The following CLCN3 variants were observed in gnomAD, a reference collection of about 807,000 sequenced individuals.
CLCN3 encodes the protein H(+)/Cl(-) exchange transporter 3.
A neutral mutation model predicts 83.4 loss-of-function variants in CLCN3; 16 were observed. The observed-to-expected ratio is 0.19, with a 90% CI of 0.13 to 0.29. CLCN3 has a LOEUF of 0.29. Among genes scored for constraint, CLCN3 ranks in the 10% least tolerant of loss-of-function variants. CLCN3 has a pLI of 1.00. For missense variants in CLCN3, 544 were observed against 1,006.0 expected (o/e 0.54, Z 6.21); for synonymous variants, 322 against 346.2 (o/e 0.93, Z 0.78).
At chr4:169,681,751 A>G (rs1006744431) in intron 3 of CLCN3, among the ~76,000 whole-genome samples, 1 of 152,244 alleles carries the variant, frequency 6.6e-6, no homozygotes, top group South Asian at 2.1e-4. Flanking sequence ...AAAACCCATT[A>G]CATGTTGACA....
intron 3 of CLCN3, among the ~76,000 whole-genome samples, 157 bp from the exon 4 acceptor site, chr4:169,687,501 T>A (rs1732207741): frequency 6.6e-6 from 1 of 152,210 alleles, no homozygotes; most frequent in African/African-American, 2.4e-5. Flanking sequence ...TTAACAACTG[T>A]CTGTAATGTA....
chr4:169,658,916 A>G (rs1730963655), intron 2 of CLCN3, among the ~76,000 whole-genome samples: 1 of 152,098 alleles, frequency 6.6e-6, no homozygotes, highest in Non-Finnish European at 1.5e-5. Flanking sequence ...TAACCTATAC[A>G]GTTTTTTAAA....
chr4:169,653,465 C>A (rs991212732), intron 2 of CLCN3, among the ~76,000 whole-genome samples: 2 of 151,782 alleles, frequency 1.3e-5, no homozygotes, highest in Non-Finnish European at 2.9e-5. Context: ...TATGATAAAA[C>A]CCTGTCTCTA....
chr4:169,687,041 C>G (rs1732188552), intron 3 of CLCN3, among the ~76,000 whole-genome samples: 1 of 152,140 alleles, frequency 6.6e-6, no homozygotes, highest in Non-Finnish European at 1.5e-5. Context: ...TTCTGTAATA[C>G]ATTGTATTTA....
chr4:169,629,835 A>G (rs1434670916), intron 1 of CLCN3, among the ~76,000 whole-genome samples: 6 of 152,234 alleles, frequency 3.9e-5, no homozygotes, highest in Admixed American at 3.9e-4. Flanking sequence ...ATAAGAACTA[A>G]TAATGAGAAA....
chr4:169,644,313 C>T (rs1309580747), intron 2 of CLCN3, among the ~76,000 whole-genome samples: 1 of 150,262 alleles, frequency 6.7e-6, no homozygotes, highest in Non-Finnish European at 1.5e-5. Context: ...TTGCCCAGGC[C>T]GGAGCACGAT....
chr4:169,635,164 T>G (rs1034905740), intron 1 of CLCN3, among the ~76,000 whole-genome samples: 13 of 152,176 alleles, frequency 8.5e-5, no homozygotes, highest in African/African-American at 3.1e-4. Context: ...TTTACAAGGC[T>G]TACTGGTTTG....
intron 7 of CLCN3, among the ~76,000 whole-genome samples, chr4:169,695,262 T>C (rs1460374197): frequency 1.3e-5 from 2 of 152,190 alleles, no homozygotes; most frequent in Admixed American, 6.5e-5. Context: ...TATTTAAAAA[T>C]AGCTCCCCAT....
intron 2 of CLCN3, among the ~76,000 whole-genome samples, chr4:169,659,427 A>G (rs1730977764): frequency 6.6e-6 from 1 of 152,186 alleles, no homozygotes; most frequent in Admixed American, 6.5e-5. Context: ...ATTTTTGCTA[A>G]AAGTTAAAAA....
chr4:169,703,190 G>A (rs545428603), intron 9 of CLCN3, among the ~76,000 whole-genome samples: 9 of 152,314 alleles, frequency 5.9e-5, no homozygotes, highest in African/African-American at 1.9e-4. Flanking sequence ...ATGATACAGA[G>A]ACACAAAGTG....
At chr4:169,666,886 TATATG>T (rs1731263139) in intron 2 of CLCN3, among the ~76,000 whole-genome samples, 1 of 152,210 alleles carries the variant, frequency 6.6e-6, no homozygotes, top group African/African-American at 2.4e-5. Flanking sequence ...TATGAACTAA[TATATG>T]TAATGTCCTG....
At chr4:169,715,909 T>C (rs1371358563) in intron 12 of CLCN3, among the ~76,000 whole-genome samples, 1 of 152,176 alleles carries the variant, frequency 6.6e-6, no homozygotes, top group Middle Eastern at 3.2e-3. Flanking sequence ...TCAGAACTTA[T>C]AATATGTTGA....
At chr4:169,664,073 A>G (rs958020007) in intron 2 of CLCN3, among the ~76,000 whole-genome samples, 7 of 152,244 alleles carry the variant, frequency 4.6e-5, no homozygotes, top group African/African-American at 1.7e-4. Flanking sequence ...AGTAAATGCG[A>G]TAACAGGAGG....
chr4:169,673,989 C>T (rs578050078), intron 2 of CLCN3, among the ~76,000 whole-genome samples: 93 of 152,276 alleles, frequency 6.1e-4, no homozygotes, highest in African/African-American at 1.9e-3. Flanking sequence ...GTATAGCTAC[C>T]GTACACTTCT....
chr4:169,701,540 A>G (rs190181768), intron 9 of CLCN3, among the ~76,000 whole-genome samples: 193 of 152,274 alleles, frequency 1.3e-3, no homozygotes, highest in African/African-American at 4.2e-3. Context: ...GCCCGGATCA[A>G]TCAGAGAAGT....
At chr4:169,684,072 A>G (rs934230402) in intron 3 of CLCN3, among the ~76,000 whole-genome samples, 1 of 152,194 alleles carries the variant, frequency 6.6e-6, no homozygotes, top group Non-Finnish European at 1.5e-5. Context: ...TTTCTATGTC[A>G]GTGCATATAC....
intron 2 of CLCN3, among the ~76,000 whole-genome samples, chr4:169,650,351 A>G (rs895934443): frequency 4.6e-5 from 7 of 152,190 alleles, no homozygotes; most frequent in African/African-American, 1.7e-4. Flanking sequence ...TAGTTAGAAG[A>G]ATTTGGCTTT....
At chr4:169,668,888 T>C (rs1311246427) in intron 2 of CLCN3, among the ~76,000 whole-genome samples, 1 of 152,236 alleles carries the variant, frequency 6.6e-6, no homozygotes, top group Non-Finnish European at 1.5e-5. Flanking sequence ...TGATTAACAC[T>C]GTGCTCAAGA....
intron 1 of CLCN3, among the ~76,000 whole-genome samples, chr4:169,628,788 T>C (rs887455060): frequency 6.6e-6 from 1 of 152,248 alleles, no homozygotes; most frequent in Admixed American, 6.5e-5. Flanking sequence ...CCAACTATTG[T>C]ACTCTGACAT....
Sources: allele counts gnomAD v4.1 joint callset (sites outside exome capture counted in the v4.1 genomes callset), GRCh38; gene constraint gnomAD v4.1.1; transcripts MANE v1.5; gene names NCBI Gene and HGNC (gene_info 2026-07-23, HGNC 2026-07-21).